GTSE1: variants seen among roughly 807,000 people sequenced by gnomAD.
The protein encoded by GTSE1 is G2 and S-phase expressed 1.
A neutral mutation model predicts 60.5 loss-of-function variants in GTSE1; 52 were observed. The observed-to-expected ratio is 0.86, with a 90% CI of 0.69 to 1.08. The LOEUF is 1.08. Ranked by LOEUF, GTSE1 falls within the 50% of genes least tolerant of loss-of-function variation. The pLI is 0.00. For missense variants in GTSE1, 937 were observed against 961.8 expected (o/e 0.97, Z 0.34); for synonymous variants, 368 against 386.5 (o/e 0.95, Z 0.56).
chr22:46,312,074 A>G, intron 4 of GTSE1, 67 bp from the exon 5 acceptor site: 1 of 1,352,538 alleles, frequency 7.4e-7, no homozygotes, highest in Non-Finnish European at 1.0e-6. Flanking sequence ...CTCTGAATGG[A>G]AGCCTGAGTA....
rs538533415 is a variant in GTSE1 at position 46,323,344 on chromosome 22, T to G, written c.1505+82T>G. 6.7e-4 allele frequency: 725 copies of G among 1,088,874 alleles called. 6 individuals are homozygous for G. Among genetic ancestry groups the G allele is most frequent in the Middle Eastern group, 3.7e-3 (19 of 5,072 alleles). 67.5% of individuals were successfully genotyped at this position (1,088,874 alleles called of 1,614,324 possible). A position where few individuals can be genotyped will look rare whatever the true frequency, so the allele number is the denominator to read the frequency against. ...GCTTACCTCAACCATTTGGTAACCCTGCAGCCTGGCCTGCGCATCTGGCTT... is the reference window on the plus strand; with the variant it reads ...GCTTACCTCAACCATTTGGTAACCCGGCAGCCTGGCCTGCGCATCTGGCTT... On this transcript the variant is annotated intron_variant, in intron 8 of 11. Transcript: ENST00000454366.
rs1278729145 is a variant in GTSE1, at chr22:46,330,046, G to C, written c.2137-1G>C. The C allele has an allele frequency of 6.3e-7, 1 of 1,598,806 alleles. No individual in the cohort carries two copies. The highest frequency in any genetic ancestry group is 1.7e-5 in the Admixed American group (1 of 59,994). ...ACCTCCTCCACTCTGCTCTCTTCCA[G>C]CTCATAGACCTGAGCTCCCCTCTGA... is the stretch of plus-strand genomic sequence containing the variant. On this transcript the variant is annotated splice_acceptor_variant, in intron 11 of 11. Coordinates refer to ENST00000454366, the MANE Select transcript of GTSE1 (RefSeq NM_016426.7). LOFTEE classifies it high-confidence loss of function. The surrounding 1 kb of genome is among the most constrained non-coding windows in gnomAD (Gnocchi z 6.0).
intron 2 of GTSE1, among the ~76,000 whole-genome samples, chr22:46,306,343 G>A (rs985324392): frequency 2.6e-5 from 4 of 151,698 alleles, no homozygotes; most frequent in South Asian, 2.1e-4. Context: ...CACCACGCCC[G>A]GCTAATTTTT....
At chr22:46,326,818 A>G (rs1052958146) in intron 9 of GTSE1, 164 bp downstream of exon 9, 14 of 560,438 alleles carry the variant, frequency 2.5e-5, no homozygotes, top group African/African-American at 2.5e-4. Context: ...TGCAATAGAC[A>G]TGAGCATAGA....
intron 2 of GTSE1, among the ~76,000 whole-genome samples, chr22:46,306,784 GGCCTTCATT>G (rs2077717950): frequency 6.6e-6 from 1 of 152,134 alleles, no homozygotes; most frequent in African/African-American, 2.4e-5. Flanking sequence ...CACCTTGCCC[GGCCTTCATT>G]GTTTATTAAG....
In GTSE1 at chr22:46,320,785, G is replaced by A. The variant is rs541024486; in HGVS notation, c.1433-2405G>A. On this transcript the variant is annotated intron_variant, in intron 7 of 11. Transcript: ENST00000454366. This position sits in a 1 kb window ranked among gnomAD's most constrained non-coding sequence, Gnocchi z 7.1. ...CTCCCCGGTACTGGGAGCTGCAGTG[G>A]AGACGCGCCGTCCAGGTTTAGGGAA... Among the ~76,000 whole-genome samples, 3 of 152,312 alleles carry A rather than the reference G, an allele frequency of 2.0e-5. No individual in the cohort carries two copies. In the South Asian group the frequency reaches 6.2e-4, roughly 32 times the overall value.
Position 46,314,273 on chromosome 22 carries a change from G to A in GTSE1, c.1051+260G>A, listed in dbSNP as rs1385191945. On this transcript the variant is annotated intron_variant, in intron 6 of 11. Coordinates refer to ENST00000454366, the MANE Select transcript of GTSE1 (RefSeq NM_016426.7). The surrounding 1 kb of genome is among the most constrained non-coding windows in gnomAD (Gnocchi z 7.1). ...GGCCAGAAAGCATGTATGATACCCC[G>A]TGCCTGAGAACATGGACACTGGAAT... 1.3e-5 allele frequency among the ~76,000 whole-genome samples: 2 copies of A among 152,164 alleles called. No homozygotes were observed. The highest frequency in any genetic ancestry group is 2.4e-5 in the African/African-American group (1 of 41,444).
intron 8 of GTSE1, among the ~76,000 whole-genome samples, chr22:46,325,660 T>C (rs746277249): frequency 6.6e-5 from 10 of 152,218 alleles, no homozygotes; most frequent in Non-Finnish European, 1.3e-4. Context: ...TGTGCCCTCT[T>C]TTATAAGGGC....
Position 46,314,048 on chromosome 22 carries a change from T to C in GTSE1, c.1051+35T>C. The C allele has an allele frequency of 6.2e-7, 1 of 1,611,922 alleles. No individual in the cohort carries two copies. The highest frequency in any genetic ancestry group is 1.3e-5 in the African/African-American group (1 of 74,988). On this transcript the variant is annotated intron_variant, in intron 6 of 11. Transcript: ENST00000454366. The surrounding 1 kb of genome is among the most constrained non-coding windows in gnomAD (Gnocchi z 7.1). ...CCGGCATCATGCTTGGACCCACATC[T>C]GGCCAGGTGAGGCCTGGAGTGCTGC...
chr22:46,325,072 C>G (rs550404542), intron 8 of GTSE1, among the ~76,000 whole-genome samples: 24 of 152,290 alleles, frequency 1.6e-4, no homozygotes, highest in Non-Finnish European at 3.2e-4. Flanking sequence ...ATTCTGGAGG[C>G]TAGAAATCCA....
rs771333874 is a variant in GTSE1 at position 46,297,490 on chromosome 22, G to T, written c.79+11G>T. The T allele has an allele frequency of 6.3e-7, 1 of 1,581,430 alleles. No homozygotes were observed. The highest frequency in any genetic ancestry group is 8.7e-7 in the Non-Finnish European group (1 of 1,150,852). ...ACCCTAAGAAGGAAGGCAAGTCCTTGCTGCTGCGGCGCTGTTGTTGTTCAG... is the reference window on the plus strand; with the variant it reads ...ACCCTAAGAAGGAAGGCAAGTCCTTTCTGCTGCGGCGCTGTTGTTGTTCAG... On this transcript the variant is annotated intron_variant, in intron 2 of 11. Coordinates refer to ENST00000454366, the MANE Select transcript of GTSE1 (RefSeq NM_016426.7). This position sits in a 1 kb window ranked among gnomAD's most constrained non-coding sequence, Gnocchi z 4.9.
At position 46,322,228 on chromosome 22, in the gene GTSE1, G is replaced by A. The variant is rs916013196; in HGVS notation, c.1433-962G>A. Reference sequence around the variant, plus strand: ...CGGGCATAGGCTTGTTAAGATGGAGGGCCCAGCAGCAGCTGTGCTGTTGCC... The same window carrying A: ...CGGGCATAGGCTTGTTAAGATGGAGAGCCCAGCAGCAGCTGTGCTGTTGCC... On this transcript the variant is annotated intron_variant, in intron 7 of 11. Coordinates refer to ENST00000454366, the MANE Select transcript of GTSE1 (RefSeq NM_016426.7). Among the ~76,000 whole-genome samples the A allele has an allele frequency of 4.6e-5, 7 of 152,110 alleles. No individual in the cohort carries two copies. The East Asian group carries it at 5.8e-4, about 13-fold the overall frequency.
At chr22:46,323,289 C>T (rs1213779482) in intron 8 of GTSE1, 27 bp downstream of exon 8, 1 of 1,551,710 alleles carries the variant, frequency 6.4e-7, no homozygotes, top group Non-Finnish European at 8.9e-7. Context: ...CGCTTCCTCT[C>T]TTTATTGCTG....
Position 46,314,433 on chromosome 22 carries a change from T to C in GTSE1, c.1051+420T>C, listed in dbSNP as rs1235112879. 6.6e-6 allele frequency among the ~76,000 whole-genome samples: 1 copy of C among 152,106 alleles called. No homozygotes were observed. The highest frequency in any genetic ancestry group is 2.4e-5 in the African/African-American group (1 of 41,406). ...ACACCTGTTTGAGGTCAAGCCACAT[T>C]TCAACCTTGCCAAGCCACAGCTGCC... On this transcript the variant is annotated intron_variant, in intron 6 of 11. Transcript: ENST00000454366. The surrounding 1 kb of genome is among the most constrained non-coding windows in gnomAD (Gnocchi z 7.1).
Position 46,310,101 on chromosome 22 carries a change from C to T in GTSE1, c.762+1158C>T, listed in dbSNP as rs376073525. On this transcript the variant is annotated intron_variant, in intron 4 of 11. Transcript: ENST00000454366. The surrounding 1 kb of genome is among the most constrained non-coding windows in gnomAD (Gnocchi z 4.4). ...TGCACTCATGCACACGTGGGAGCCC[C>T]ACCATGTCCTGCATGTTTCTCTGGG... Among the ~76,000 whole-genome samples the T allele has an allele frequency of 4.5e-4, 68 of 152,330 alleles. 1 individual carries two copies. In the South Asian group the frequency reaches 0.014, roughly 31 times the overall value.
intron 2 of GTSE1, among the ~76,000 whole-genome samples, chr22:46,299,879 G>A (rs771676396): frequency 4.7e-5 from 7 of 149,366 alleles, no homozygotes; most frequent in Admixed American, 1.3e-4. Context: ...TGCAACCTCC[G>A]CCTCTTGGGT....
Position 46,313,961 on chromosome 22 carries a change from G to C in GTSE1, c.999G>C (p.Gly333=). 3 of 1,614,186 alleles carry C rather than the reference G, an allele frequency of 1.9e-6. No homozygotes were observed. The highest frequency in any genetic ancestry group is 2.5e-6 in the Non-Finnish European group (3 of 1,179,992). ...TSNLARKSSS[G]PVWSGASSAC... is the part of the protein sequence containing the mutation. ...ATCTCGCAAGGAAGTCCTCCTCGGGGCCTGTTTGGAGCGGGGCATCCAGTG... is the reference window on the plus strand; with the variant it reads ...ATCTCGCAAGGAAGTCCTCCTCGGGCCCTGTTTGGAGCGGGGCATCCAGTG... The change falls in exon 6 of 12, where the codon GGG becomes GGC. Residue 333 remains glycine (G), a synonymous_variant. Transcript: ENST00000454366. The surrounding 1 kb of genome is among the most constrained non-coding windows in gnomAD (Gnocchi z 4.4).
chr22:46,301,771 G>T (rs1377254308), intron 2 of GTSE1, among the ~76,000 whole-genome samples: 1 of 152,126 alleles, frequency 6.6e-6, no homozygotes, highest in Non-Finnish European at 1.5e-5. Context: ...TTATAGGTGG[G>T]AGCCACAGCG....
Position 46,320,825 on chromosome 22 carries a change from C to T in GTSE1, c.1433-2365C>T, listed in dbSNP as rs1327895025. ...GGTTTAGGGAAGAGCTGATGTGGGC[C>T]TGGGAGGCGTGCGTGCTCAGGCAGC... is the stretch of plus-strand genomic sequence containing the variant. On this transcript the variant is annotated intron_variant, in intron 7 of 11. Transcript: ENST00000454366. This position sits in a 1 kb window ranked among gnomAD's most constrained non-coding sequence, Gnocchi z 7.1. Among the ~76,000 whole-genome samples, 1 of 152,120 alleles carries T rather than the reference C, an allele frequency of 6.6e-6. No homozygotes were observed. Among genetic ancestry groups the T allele is most frequent in the African/African-American group, 2.4e-5 (1 of 41,440 alleles).
Sources: gnomAD v4.1 joint callset for allele counts (sites outside exome capture counted in the v4.1 genomes callset) on GRCh38, gnomAD v4.1.1 for gene constraint, Gnocchi (gnomAD v3.1) non-coding constraint, MANE v1.5 for transcripts, NCBI Gene and HGNC (gene_info 2026-07-23, HGNC 2026-07-21) for gene names.